SPTLC2: variants seen among roughly 807,000 people sequenced by gnomAD.
SPTLC2 encodes serine palmitoyltransferase long chain base subunit 2, also known as serine palmitoyltransferase 2.
A neutral mutation model predicts 62.0 loss-of-function variants in SPTLC2; 21 were observed. That is an observed-to-expected ratio of 0.34 (90% CI 0.24 to 0.49). SPTLC2 has a LOEUF of 0.49. Ranked by LOEUF, SPTLC2 falls within the 20% of genes least tolerant of loss-of-function variation. SPTLC2 has a pLI of 0.99. For synonymous variants in SPTLC2, 261 were observed against 261.8 expected (o/e 1.00, Z 0.03); for missense variants, 511 against 713.0 (o/e 0.72, Z 3.23).
At chr14:77,558,776 C>T (rs551462889) in intron 6 of SPTLC2, among the ~76,000 whole-genome samples, 2 of 152,060 alleles carry the variant, frequency 1.3e-5, no homozygotes, top group Admixed American at 1.3e-4. Context: ...TGCATGCCAC[C>T]ACATCCAGCT....
At chr14:77,531,507 C>CTTCTTCT (rs1555373788) in intron 9 of SPTLC2, among the ~76,000 whole-genome samples, 27 of 65,398 alleles carry the variant, frequency 4.1e-4, no homozygotes, top group African/African-American at 1.5e-3. Flanking sequence ...CCTCCTCCTC[C>CTTCTTCT]TCTTCTTCTT....
At position 77,612,718 on chromosome 14, in the gene SPTLC2, C is replaced by T. The variant is rs1370324319; in HGVS notation, c.132+3730G>A. On this transcript the variant is annotated intron_variant, in intron 1 of 11. Coordinates refer to ENST00000216484, the MANE Select transcript of SPTLC2 (RefSeq NM_004863.4). ...CAAAAGCTAGTAGCTATTTAGTAAA[C>T]CAGCTTTATTAGTTATTTATTTGCC... 5.3e-5 allele frequency among the ~76,000 whole-genome samples: 8 copies of T among 152,280 alleles called. No individual in the cohort carries two copies. The South Asian group carries it at 1.7e-3, about 32-fold the overall frequency.
At chr14:77,568,403 T>C (rs1442260103) in intron 5 of SPTLC2, among the ~76,000 whole-genome samples, 1 of 152,216 alleles carries the variant, frequency 6.6e-6, no homozygotes, top group Non-Finnish European at 1.5e-5. Context: ...AATGTTTTGC[T>C]GTTGTTGAGT....
intron 11 of SPTLC2, among the ~76,000 whole-genome samples, chr14:77,513,457 T>C (rs144181083): frequency 3.3e-5 from 5 of 152,318 alleles, no homozygotes; most frequent in Admixed American, 1.3e-4. Context: ...AACGTCAATG[T>C]GCTATCACAA....
rs1480557477 is a variant in SPTLC2, at chr14:77,509,977, G to A, written c.*2307C>T. The A allele has an allele frequency of 1.3e-5, 5 of 398,250 alleles. No homozygotes were observed. Among genetic ancestry groups the A allele is most frequent in the Non-Finnish European group, 2.2e-5 (5 of 225,964 alleles). The allele number at this position is 398,250 out of a possible 1,614,324, so 24.7% of individuals were successfully genotyped here. A position where few individuals can be genotyped will look rare whatever the true frequency, so the allele number is the denominator to read the frequency against. Reference sequence around the variant, plus strand: ...AAAAAGACTAGCAGGTAAGTTCATTGCTTATAAGTTTGTGACTTTTACAAA... The same window carrying A: ...AAAAAGACTAGCAGGTAAGTTCATTACTTATAAGTTTGTGACTTTTACAAA... On this transcript the variant is annotated 3_prime_UTR_variant, in exon 12 of 12. Transcript: ENST00000216484.
At chr14:77,594,254 T>A (rs1358713019) in intron 2 of SPTLC2, among the ~76,000 whole-genome samples, 2 of 152,228 alleles carry the variant, frequency 1.3e-5, no homozygotes, top group African/African-American at 4.8e-5. Context: ...AATTAGAAAC[T>A]ACTTAAGAAT....
intron 11 of SPTLC2, among the ~76,000 whole-genome samples, chr14:77,516,011 C>T (rs1432151049): frequency 2.0e-3 from 45 of 22,552 alleles, no homozygotes; most frequent in Non-Finnish European, 2.3e-3. Flanking sequence ...TGTGTGCGCG[C>T]GCGCGCATGT....
intron 1 of SPTLC2, among the ~76,000 whole-genome samples, chr14:77,606,812 C>A (rs1186106903): frequency 2.0e-5 from 3 of 152,020 alleles, no homozygotes; most frequent in Non-Finnish European, 2.9e-5. Context: ...CATAGTGAAA[C>A]CCTATCTCTA....
intron 5 of SPTLC2, among the ~76,000 whole-genome samples, chr14:77,565,740 T>C (rs2079641432): frequency 6.6e-6 from 1 of 152,222 alleles, no homozygotes; most frequent in Non-Finnish European, 1.5e-5. Context: ...ACCTGGATCC[T>C]GAAGCGGAAA....
chr14:77,607,942 C>G (rs2079913441), intron 1 of SPTLC2, among the ~76,000 whole-genome samples: 2 of 152,200 alleles, frequency 1.3e-5, no homozygotes, highest in African/African-American at 2.4e-5. Context: ...GGTTTCTCAG[C>G]CCAGCTTCTT....
chr14:77,544,799 T>G (rs1335003896), intron 9 of SPTLC2, among the ~76,000 whole-genome samples: 1 of 152,212 alleles, frequency 6.6e-6, no homozygotes, highest in Non-Finnish European at 1.5e-5. Flanking sequence ...ATAATCCTGC[T>G]AAGTCAGATT....
intron 2 of SPTLC2, among the ~76,000 whole-genome samples, chr14:77,593,530 C>T (rs891312017): frequency 5.9e-5 from 9 of 152,160 alleles, no homozygotes; most frequent in South Asian, 2.1e-4. Flanking sequence ...CAAAACACCA[C>T]GAATAACAGA....
chr14:77,614,202 C>T (rs2079952577), intron 1 of SPTLC2, among the ~76,000 whole-genome samples: 1 of 152,176 alleles, frequency 6.6e-6, no homozygotes, highest in African/African-American at 2.4e-5. Flanking sequence ...AGTTGGCAAG[C>T]TCTGAAGAAA....
chr14:77,610,752 A>ACC (rs1252583462), intron 1 of SPTLC2, among the ~76,000 whole-genome samples: 2 of 151,638 alleles, frequency 1.3e-5, no homozygotes, highest in African/African-American at 4.8e-5. Flanking sequence ...GGAGTCTGAG[A>ACC]CCAGCCTGGG....
At chr14:77,615,536 AAC>A (rs1404203710) in intron 1 of SPTLC2, among the ~76,000 whole-genome samples, 3 of 152,358 alleles carry the variant, frequency 2.0e-5, no homozygotes, top group Admixed American at 6.5e-5. Flanking sequence ...AAATTATCGC[AAC>A]ACTCTCTTCC....
At chr14:77,529,995 T>C (rs977418293) in intron 9 of SPTLC2, among the ~76,000 whole-genome samples, 1 of 152,182 alleles carries the variant, frequency 6.6e-6, no homozygotes, top group Non-Finnish European at 1.5e-5. Flanking sequence ...TACTTTATAG[T>C]CTATCATAAA....
intron 9 of SPTLC2, among the ~76,000 whole-genome samples, chr14:77,529,392 A>G (rs145444100): frequency 1.3e-3 from 191 of 150,380 alleles, no homozygotes; most frequent in African/African-American, 4.4e-3. Context: ...GTGTGTCTCT[A>G]TTGAAATCTA....
rs1412694970 is a variant in SPTLC2, at chr14:77,555,160, T to A, written c.1176+140A>T. 3 of 851,596 alleles carry A rather than the reference T, an allele frequency of 3.5e-6. No homozygotes were observed. In the Admixed American group the frequency reaches 5.4e-5, roughly 15 times the overall value. 52.8% of individuals were successfully genotyped at this position (851,596 alleles called of 1,614,324 possible). Reference sequence around the variant, plus strand: ...TTAGTTCAGTGAGGAGACATTAGAGTCACTCACTGGTATTATGAGCCTAAA... The same window carrying A: ...TTAGTTCAGTGAGGAGACATTAGAGACACTCACTGGTATTATGAGCCTAAA... On this transcript the variant is annotated intron_variant, in intron 8 of 11. Coordinates refer to ENST00000216484, the MANE Select transcript of SPTLC2 (RefSeq NM_004863.4).
intron 9 of SPTLC2, among the ~76,000 whole-genome samples, chr14:77,545,565 G>A (rs930799470): frequency 6.6e-6 from 1 of 152,112 alleles, no homozygotes; most frequent in South Asian, 2.1e-4. Context: ...CATCGTGCCC[G>A]GCCGGGTATC....
Sources: allele counts gnomAD v4.1 joint callset (sites outside exome capture counted in the v4.1 genomes callset), GRCh38; gene constraint gnomAD v4.1.1; transcripts MANE v1.5; gene names NCBI Gene and HGNC (gene_info 2026-07-23, HGNC 2026-07-21).